SCN3A: variants seen among roughly 807,000 people sequenced by gnomAD.
SCN3A encodes the protein sodium voltage-gated channel alpha subunit 3.
A neutral mutation model predicts 187.6 loss-of-function variants in SCN3A; 60 were observed. That is an observed-to-expected ratio of 0.32 (90% CI 0.26 to 0.40). The LOEUF is 0.40. SCN3A is among the 10% of genes least tolerant of loss of function. The probability of loss-of-function intolerance (pLI) is 1.00; values close to 1 mark genes in which losing one functional copy is unlikely to be tolerated. For missense variants in SCN3A, 1,601 were observed against 2,428.2 expected, an observed-to-expected ratio of 0.66 and a Z score of 7.16; for synonymous variants, 788 against 829.2, an observed-to-expected ratio of 0.95 and a Z score of 0.85.
intron 15 of SCN3A, among the ~76,000 whole-genome samples, chr2:165,132,835 T>C (rs1010540325): frequency 3.9e-5 from 6 of 151,980 alleles, no homozygotes; most frequent in African/African-American, 1.2e-4. Flanking sequence ...ACCGTCAGAG[T>C]GAACAGGCAA....
intron 5 of SCN3A, 55 bp downstream of exon 5, chr2:165,168,681 A>G: frequency 8.4e-7 from 1 of 1,189,096 alleles, no homozygotes. Context: ...CCACAAGGAG[A>G]TTGCTAGAGA....
chr2:165,118,074 A>AT (rs780848635), intron 18 of SCN3A, among the ~76,000 whole-genome samples: 8 of 152,216 alleles, frequency 5.3e-5, no homozygotes, highest in African/African-American at 1.9e-4. Context: ...CTCTGGTTGT[A>AT]TTTTTTTGTT....
intron 9 of SCN3A, among the ~76,000 whole-genome samples, chr2:165,161,852 A>T (rs1432832755): frequency 1.3e-5 from 2 of 152,182 alleles, no homozygotes; most frequent in African/African-American, 4.8e-5. Flanking sequence ...TCCTTCAAGA[A>T]TACTTAAATA....
At chr2:165,184,620 G>A (rs1691109496) in intron 2 of SCN3A, among the ~76,000 whole-genome samples, 1 of 151,876 alleles carries the variant, frequency 6.6e-6, no homozygotes, top group Admixed American at 6.6e-5. Flanking sequence ...ATAAAGCCCT[G>A]TGTCAGGAAT....
intron 2 of SCN3A, among the ~76,000 whole-genome samples, chr2:165,182,862 C>T (rs1439865923): frequency 6.6e-6 from 1 of 151,106 alleles, no homozygotes; most frequent in African/African-American, 2.4e-5. Context: ...ACTGTAATCC[C>T]AGCACTTTGG....
At chr2:165,116,468 A>G (rs1323432733) in intron 18 of SCN3A, among the ~76,000 whole-genome samples, 1 of 152,222 alleles carries the variant, frequency 6.6e-6, no homozygotes, top group Non-Finnish European at 1.5e-5. Flanking sequence ...AACAGTTGCA[A>G]AGACATGACG....
rs768747448 is a variant in SCN3A, at chr2:165,162,732, A to G, written c.791T>C (p.Ile264Thr). Residue 264 changes from isoleucine (I) to threonine (T), a missense_variant, in exon 8 of 28, where the codon ATT becomes ACT. Around this residue, in one of 11 missense-constraint regions of SCN3A, gnomAD observed 104 missense variants for 102.7 expected, o/e 1.01. Transcript: ENST00000283254. The part of the protein sequence containing the change: ...TVFCLSVFAL[I>T]GLQLFMGNLR... ...ATTGCCCATGAACAGCTGCAGCCCA[A>G]TGAGAGCAAACACGCTCAGACAGAA... 2.0e-5 allele frequency: 32 copies of G among 1,614,174 alleles called. No homozygotes were observed. The highest frequency in any genetic ancestry group is 1.6e-4 in the Middle Eastern group (1 of 6,062).
chr2:165,197,062 T>G (rs1334705654), intron 1 of SCN3A, among the ~76,000 whole-genome samples: 1 of 152,152 alleles, frequency 6.6e-6, no homozygotes, highest in Non-Finnish European at 1.5e-5. Context: ...CTGAATCAAC[T>G]TTCAAATATC....
At chr2:165,201,574 A>C (rs1386040243) in intron 1 of SCN3A, among the ~76,000 whole-genome samples, 2 of 152,034 alleles carry the variant, frequency 1.3e-5, no homozygotes, top group Non-Finnish European at 2.9e-5. Context: ...CAATCCTGTA[A>C]CACAGGCATT....
In SCN3A at chr2:165,091,350, G is replaced by A. The variant is rs774790194; in HGVS notation, c.4808-5C>T. On this transcript the variant is annotated splice_region_variant and splice_polypyrimidine_tract_variant and intron_variant, in intron 27 of 27. Coordinates refer to ENST00000283254, the MANE Select transcript of SCN3A (RefSeq NM_006922.4). ...TCATCTCAGCCAGAAACATACCTATGGAAAACATAGAACACAGCTAAACAG... is the reference window on the plus strand; with the variant it reads ...TCATCTCAGCCAGAAACATACCTATAGAAAACATAGAACACAGCTAAACAG... 2.5e-6 allele frequency: 4 copies of A among 1,613,636 alleles called. No homozygotes were observed. Among genetic ancestry groups the A allele is most frequent in the African/African-American group, 2.7e-5 (2 of 74,874 alleles).
At chr2:165,168,252 CAT>C (rs1156640809) in intron 5 of SCN3A, among the ~76,000 whole-genome samples, 1 of 152,056 alleles carries the variant, frequency 6.6e-6, no homozygotes, top group Non-Finnish European at 1.5e-5. Flanking sequence ...TTTCAGCACA[CAT>C]GTTGTGTATA....
At chr2:165,177,910 T>C (rs935818843) in intron 2 of SCN3A, among the ~76,000 whole-genome samples, 4 of 152,180 alleles carry the variant, frequency 2.6e-5, no homozygotes, top group Non-Finnish European at 5.9e-5. Context: ...AGTCATCTTA[T>C]AAAAGAACCT....
chr2:165,100,184 TG>T, intron 22 of SCN3A, 117 bp downstream of exon 22: 1 of 1,222,194 alleles, frequency 8.2e-7, no homozygotes, highest in Non-Finnish European at 1.2e-6. Flanking sequence ...CTAAGATTTT[TG>T]CTCTAATTCT....
intron 15 of SCN3A, 32 bp from the exon 16 acceptor site, chr2:165,131,449 G>A (rs774236242): frequency 6.5e-6 from 10 of 1,533,612 alleles, no homozygotes; most frequent in South Asian, 3.6e-5. Context: ...TACTTCAAGA[G>A]CACTGAAAAA....
intron 11 of SCN3A, among the ~76,000 whole-genome samples, chr2:165,151,514 G>C (rs7570019): frequency 0.58 from 87,985 of 151,414 alleles, 25,927 homozygotes; most frequent in African/African-American, 0.69. Context: ...AGTTTTGAAG[G>C]CACTGGACAT....
At chr2:165,147,198 T>A (rs1688404539) in intron 11 of SCN3A, among the ~76,000 whole-genome samples, 169 bp from the exon 12 acceptor site, 1 of 151,810 alleles carries the variant, frequency 6.6e-6, no homozygotes, top group South Asian at 2.1e-4. Flanking sequence ...ACCCTTATGT[T>A]TTAAATCATA....
rs1448958031 is a variant in SCN3A at position 165,140,380 on chromosome 2, A to G, written c.2019+271T>C. 1.3e-5 allele frequency among the ~76,000 whole-genome samples: 2 copies of G among 152,052 alleles called. No homozygotes were observed. Among genetic ancestry groups the G allele is most frequent in the East Asian group, 3.9e-4 (2 of 5,188 alleles). Reference sequence around the variant, plus strand: ...CTCGGTAGGTCTACCAAATTTGCAGATATGTATTTCATAGCAGACTCTAAA... The same window carrying G: ...CTCGGTAGGTCTACCAAATTTGCAGGTATGTATTTCATAGCAGACTCTAAA... On this transcript the variant is annotated intron_variant, in intron 13 of 27. Coordinates refer to ENST00000283254, the MANE Select transcript of SCN3A (RefSeq NM_006922.4). This position sits in a 1 kb window ranked among gnomAD's most constrained non-coding sequence, Gnocchi z 4.2.
At position 165,131,323 on chromosome 2, in the gene SCN3A, C is replaced by G; in HGVS notation, c.2486G>C (p.Gly829Ala). The G allele has an allele frequency of 6.2e-7, 1 of 1,607,918 alleles. No individual in the cohort carries two copies. The highest frequency in any genetic ancestry group is 8.5e-7 in the Non-Finnish European group (1 of 1,176,208). ...YFQEGWNIFD[G>A]IIVSLSLMEL... ...CATTAAACTGAGGCTGACAATAATTCCATCAAAGATATTCCAGCCTTCTTG... is the reference window on the plus strand; with the variant it reads ...CATTAAACTGAGGCTGACAATAATTGCATCAAAGATATTCCAGCCTTCTTG... The change falls in exon 16 of 28, where the codon GGA (glycine) becomes GCA (alanine). Residue 829 changes from glycine to alanine, a missense_variant. Physicochemically the swap from Gly to Ala is moderately conservative, Grantham distance 60 (BLOSUM62 0). Transcript: ENST00000283254.
chr2:165,164,988 C>G (rs1185231221), intron 5 of SCN3A, among the ~76,000 whole-genome samples: 1 of 152,020 alleles, frequency 6.6e-6, no homozygotes, highest in African/African-American at 2.4e-5. Context: ...TTCAAGGTTC[C>G]ATAGCCATAT....
Sources: allele counts gnomAD v4.1 joint callset (sites outside exome capture counted in the v4.1 genomes callset), GRCh38; gene constraint gnomAD v4.1.1; regional missense constraint gnomAD v4.1.1; non-coding constraint Gnocchi (gnomAD v3.1); transcripts MANE v1.5; gene names NCBI Gene and HGNC (gene_info 2026-07-23, HGNC 2026-07-21).